FRMPD4: variants seen among roughly 807,000 people sequenced by gnomAD.
The protein encoded by FRMPD4 is FERM and PDZ domain containing 4.
Under a neutral mutation model 94.1 loss-of-function variants are expected in FRMPD4, and 22 were observed. The ratio of observed to expected loss-of-function variants is 0.23; its 90% confidence interval spans 0.17 to 0.33. The LOEUF (loss-of-function observed/expected upper bound fraction) is 0.33. Among genes scored for constraint, FRMPD4 ranks in the 10% least tolerant of loss-of-function variants. The pLI is 1.00. For synonymous variants in FRMPD4, 631 were observed against 548.6 expected (o/e 1.15, Z -2.10); for missense variants, 1,111 against 1,339.9 (o/e 0.83, Z 2.67).
At chrX:12,267,231 A>C (rs1389909415) in intron 1 of FRMPD4, among the ~76,000 whole-genome samples, 1 of 112,199 alleles carries the variant, frequency 8.9e-6, no homozygotes, top group African/African-American at 3.2e-5. Flanking sequence ...CTTTTTCTCC[A>C]CATTGTAGGT....
At chrX:12,003,064 A>G (rs1310230210) in intron 3 of FRMPD4, among the ~76,000 whole-genome samples, 1 of 111,092 alleles carries the variant, frequency 9.0e-6, no homozygotes, top group Non-Finnish European at 1.9e-5. Flanking sequence ...CTCATAGCAC[A>G]CCCCCATTCA....
At chrX:12,231,554 T>C (rs1207277843) in intron 1 of FRMPD4, among the ~76,000 whole-genome samples, 1 of 111,055 alleles carries the variant, frequency 9.0e-6, no homozygotes, top group African/African-American at 3.3e-5. Context: ...AAAAGTTAAA[T>C]GATTAGTAGT....
intron 4 of FRMPD4, among the ~76,000 whole-genome samples, chrX:12,618,407 A>G (rs990790509): frequency 8.9e-6 from 1 of 111,743 alleles, no homozygotes; most frequent in African/African-American, 3.2e-5. Context: ...AAGAATTCTA[A>G]TTAATTTCCA....
chrX:12,274,867 G>C (rs1245019495), intron 1 of FRMPD4, among the ~76,000 whole-genome samples: 1 of 111,899 alleles, frequency 8.9e-6, no homozygotes, highest in Admixed American at 9.4e-5. Context: ...AAATTAGCCA[G>C]ACGCGGTGGT....
intron 3 of FRMPD4, among the ~76,000 whole-genome samples, chrX:12,111,696 T>C (rs2147523917): frequency 8.9e-6 from 1 of 111,787 alleles, no homozygotes; most frequent in Admixed American, 9.5e-5. Context: ...CTATCCAGAA[T>C]CTACAAAGAA....
At position 11,971,091 on chromosome X, in the gene FRMPD4, C is replaced by T. The variant is rs143101741; in HGVS notation, c.95+93073C>T. On this transcript the variant is annotated intron_variant, in intron 3 of 18. Transcript: ENST00000640291. ...ATTTCTGCAGGTCATGATCTGATCT[C>T]CAGGGCTTCTTTATTTCCTGTCTTT... Among the ~76,000 whole-genome samples the T allele has an allele frequency of 8.9e-3, 997 of 112,076 alleles. 7 individuals are homozygous for T. Among genetic ancestry groups the T allele is most frequent in the Middle Eastern group, 0.014 (3 of 217 alleles).
chrX:12,583,515 G>A (rs1056378723), intron 2 of FRMPD4: 2 of 1,101,427 alleles, frequency 1.8e-6, no homozygotes. Flanking sequence ...TACGTGCCGG[G>A]AGCGTTCCCA....
chrX:12,583,553 G>A, intron 2 of FRMPD4: 1 of 879,076 alleles, frequency 1.1e-6, no homozygotes, highest in Non-Finnish European at 1.6e-6. Flanking sequence ...CCAAAACCAC[G>A]CTCCAGCGCA....
At chrX:12,331,402 G>A (rs2055371859) in intron 1 of FRMPD4, among the ~76,000 whole-genome samples, 1 of 104,119 alleles carries the variant, frequency 9.6e-6, no homozygotes, top group African/African-American at 3.5e-5. Context: ...TGTTCTAGGT[G>A]GAAAGCTGGT....
At chrX:11,825,795 G>C (rs1473667550) in intron 1 of FRMPD4, among the ~76,000 whole-genome samples, 2 of 112,039 alleles carry the variant, frequency 1.8e-5, no homozygotes, top group African/African-American at 6.5e-5. Context: ...ATTTAGGAAA[G>C]CTGGGTGAAG....
At chrX:12,650,972 C>G (rs2059590399) in intron 4 of FRMPD4, among the ~76,000 whole-genome samples, 1 of 112,897 alleles carries the variant, frequency 8.9e-6, no homozygotes, top group Non-Finnish European at 1.9e-5. Flanking sequence ...GGCTAACTCC[C>G]TTAGAGCATG....
chrX:11,891,559 C>T (rs1569119599), intron 3 of FRMPD4, among the ~76,000 whole-genome samples: 2 of 112,113 alleles, frequency 1.8e-5, no homozygotes, highest in Non-Finnish European at 3.8e-5. Context: ...CATGCCACCA[C>T]AGGATAGGTT....
rs953984838 is a variant in FRMPD4, at chrX:12,092,367, C to G, written c.95+214349C>G. Among the ~76,000 whole-genome samples, 7 of 112,145 alleles carry G rather than the reference C, an allele frequency of 6.2e-5. No individual in the cohort carries two copies. The South Asian group carries it at 2.6e-3, about 42-fold the overall frequency. ...TGGACTGAAACTTTGATGTTTTCCT[C>G]GTTTTCCACATCAGGAAATAAGGTC... On this transcript the variant is annotated intron_variant, in intron 3 of 18. Coordinates refer to the FRMPD4 transcript ENST00000640291.
chrX:11,984,403 T>A lies in FRMPD4; in HGVS notation c.95+106385T>A, dbSNP rs191898104. Among the ~76,000 whole-genome samples, 32 of 112,362 alleles carry A rather than the reference T, an allele frequency of 2.8e-4. No homozygotes were observed. The East Asian group carries it at 8.4e-3, about 29-fold the overall frequency. On this transcript the variant is annotated intron_variant, in intron 3 of 18. Coordinates refer to the FRMPD4 transcript ENST00000640291. ...TACTGTGTCTTCAAGATGATACTGG[T>A]AAAGCCGTGTTTCATTCTCCTGTTA...
At chrX:12,084,501 G>A (rs1330404706) in intron 3 of FRMPD4, among the ~76,000 whole-genome samples, 3 of 111,724 alleles carry the variant, frequency 2.7e-5, no homozygotes, top group Non-Finnish European at 5.6e-5. Context: ...AATAATTTGG[G>A]TGCTCTGTAG....
At chrX:12,642,770 G>A (rs771933531) in intron 4 of FRMPD4, among the ~76,000 whole-genome samples, 4 of 112,297 alleles carry the variant, frequency 3.6e-5, no homozygotes, top group African/African-American at 9.7e-5. Context: ...GCGTGTTGTG[G>A]TATGTGCCTT....
At chrX:12,263,911 G>C (rs1227490320) in intron 1 of FRMPD4, among the ~76,000 whole-genome samples, 1 of 111,390 alleles carries the variant, frequency 9.0e-6, no homozygotes, top group Non-Finnish European at 1.9e-5. Flanking sequence ...GGGTAAGAGA[G>C]TGAGAAAGAG....
chrX:12,471,712 G>A (rs900619865), intron 1 of FRMPD4, among the ~76,000 whole-genome samples: 8 of 111,886 alleles, frequency 7.2e-5, no homozygotes, highest in Non-Finnish European at 1.3e-4. Context: ...GTACTTTCAT[G>A]GAGGGTAACT....
chrX:12,580,971 G>C (rs747442637), intron 2 of FRMPD4, among the ~76,000 whole-genome samples: 3 of 112,087 alleles, frequency 2.7e-5, no homozygotes, highest in Non-Finnish European at 5.6e-5. Flanking sequence ...AATATTTTTG[G>C]ACTGCAGTTG....
Sources: gnomAD v4.1 joint callset for allele counts (sites outside exome capture counted in the v4.1 genomes callset) on GRCh38, gnomAD v4.1.1 for gene constraint, MANE v1.5 for transcripts, NCBI Gene and HGNC (gene_info 2026-07-23, HGNC 2026-07-21) for gene names.